PDE4D: variants seen among roughly 807,000 people sequenced by gnomAD.
PDE4D encodes the protein 3',5'-cyclic-AMP phosphodiesterase 4D.
Under a neutral mutation model 87.4 loss-of-function variants are expected in PDE4D, and 24 were observed. That is an observed-to-expected ratio of 0.27 (90% confidence interval 0.20 to 0.39). The LOEUF is 0.39. PDE4D is among the 10% of genes least tolerant of loss of function. The pLI, the probability that PDE4D is intolerant of heterozygous loss-of-function variation, is 1.00. For synonymous variants in PDE4D, 384 were observed against 383.2 expected, an observed-to-expected ratio of 1.00 and a Z score of -0.02; for missense variants, 714 against 1,041.0, an observed-to-expected ratio of 0.69 and a Z score of 4.32.
intron 2 of PDE4D, among the ~76,000 whole-genome samples, chr5:60,023,688 A>G (rs148193409): frequency 5.9e-5 from 9 of 152,276 alleles, no homozygotes; most frequent in African/African-American, 2.2e-4. Context: ...CACTAGTTGC[A>G]TTATAAGGCT....
At chr5:59,663,769 C>T (rs1745633090) in intron 1 of PDE4D, among the ~76,000 whole-genome samples, 1 of 152,062 alleles carries the variant, frequency 6.6e-6, no homozygotes, top group Non-Finnish European at 1.5e-5. Context: ...GGGATATATT[C>T]CTGAGTAACT....
intron 1 of PDE4D, among the ~76,000 whole-genome samples, chr5:60,348,790 C>T (rs1758947562): frequency 6.6e-6 from 1 of 151,958 alleles, no homozygotes; most frequent in Non-Finnish European, 1.5e-5. Flanking sequence ...AAAATGCATA[C>T]TTTAACTTCA....
intron 1 of PDE4D, among the ~76,000 whole-genome samples, chr5:60,281,965 A>T (rs953124528): frequency 1.3e-5 from 2 of 151,898 alleles, no homozygotes; most frequent in African/African-American, 2.4e-5. Context: ...TGAGTCTGGG[A>T]GGTTGAGTCT....
chr5:60,363,227 T>C (rs965248519), intron 1 of PDE4D, among the ~76,000 whole-genome samples: 88 of 152,348 alleles, frequency 5.8e-4, no homozygotes, highest in African/African-American at 2.1e-3. Flanking sequence ...ACCATTAGAT[T>C]ATCATACAGT....
chr5:59,882,364 A>C lies in PDE4D; in HGVS notation c.455+10804T>G, dbSNP rs1371742560. Among the ~76,000 whole-genome samples the C allele has an allele frequency of 2.0e-5, 3 of 152,304 alleles. No individual in the cohort carries two copies. The South Asian group carries it at 6.2e-4, about 32-fold the overall frequency. ...GGTGGGAATGATTGAGTGGTAGTAA[A>C]ATAAAAATGTGTGTATAGAAGAGTC... On this transcript the variant is annotated intron_variant, in intron 1 of 14. Coordinates refer to ENST00000340635, the MANE Select transcript of PDE4D (RefSeq NM_001104631.2).
At chr5:59,978,099 G>A (rs954087266) in intron 3 of PDE4D, among the ~76,000 whole-genome samples, 1 of 152,154 alleles carries the variant, frequency 6.6e-6, no homozygotes, top group African/African-American at 2.4e-5. Context: ...GGAGGTTAAT[G>A]TTATCATGCC....
At chr5:59,470,359 G>A (rs1802260620) in intron 1 of PDE4D, among the ~76,000 whole-genome samples, 1 of 151,986 alleles carries the variant, frequency 6.6e-6, no homozygotes. Flanking sequence ...CAATGCTGTT[G>A]TCCATTCCTA....
intron 5 of PDE4D, among the ~76,000 whole-genome samples, chr5:59,163,095 C>T (rs1225923655): frequency 3.4e-5 from 5 of 146,992 alleles, no homozygotes; most frequent in Admixed American, 6.9e-5. Flanking sequence ...ACCATGCCTC[C>T]ATGCCTGGCT....
chr5:60,468,137 C>CTTTTTTTTTTTTTTTTTG (rs570783072), intron 1 of PDE4D, among the ~76,000 whole-genome samples: 1 of 141,218 alleles, frequency 7.1e-6, no homozygotes, highest in Non-Finnish European at 1.5e-5. Context: ...TTTCTTTTTT[C>CTTTTTTTTTTTTTTTTTG]TTTTTTTTTT....
chr5:59,319,849 TGAG>T (rs1581936929), intron 1 of PDE4D, among the ~76,000 whole-genome samples: 1 of 151,562 alleles, frequency 6.6e-6, no homozygotes. Flanking sequence ...AATTTCCATA[TGAG>T]GAGAAGTGTT....
chr5:60,146,168 C>A (rs989094484), intron 2 of PDE4D, among the ~76,000 whole-genome samples: 1 of 152,140 alleles, frequency 6.6e-6, no homozygotes, highest in African/African-American at 2.4e-5. Flanking sequence ...GAGCCAAGCT[C>A]GCGCCACTGC....
At chr5:60,188,589 G>T (rs1784968859) in intron 1 of PDE4D, among the ~76,000 whole-genome samples, 2 of 152,140 alleles carry the variant, frequency 1.3e-5, no homozygotes, top group African/African-American at 4.8e-5. Flanking sequence ...GTAGGGCAGG[G>T]AGGAGAGTGG....
intron 2 of PDE4D, among the ~76,000 whole-genome samples, chr5:60,097,789 T>C (rs1775824070): frequency 6.6e-6 from 1 of 151,860 alleles, no homozygotes; most frequent in Admixed American, 6.6e-5. Context: ...TGATGGACAT[T>C]AGAAAATCCA....
At chr5:60,205,132 C>G (rs1742348837) in intron 1 of PDE4D, among the ~76,000 whole-genome samples, 1 of 152,132 alleles carries the variant, frequency 6.6e-6, no homozygotes, top group South Asian at 2.1e-4. Context: ...ACTCTGATCC[C>G]CAGCTCAAAG....
chr5:59,216,678 T>C (rs1751331619), intron 1 of PDE4D: 1 of 154,712 alleles, frequency 6.5e-6, no homozygotes, highest in Non-Finnish European at 1.4e-5. Flanking sequence ...TCCTCAGCTA[T>C]TGGGTACTTC....
chr5:59,959,634 G>A (rs961360984), intron 3 of PDE4D, among the ~76,000 whole-genome samples: 3 of 152,116 alleles, frequency 2.0e-5, no homozygotes, highest in Non-Finnish European at 4.4e-5. Flanking sequence ...TCAATAAACA[G>A]TGCTGAGAAA....
intron 5 of PDE4D, among the ~76,000 whole-genome samples, chr5:59,114,654 G>A (rs921770818): frequency 2.6e-5 from 4 of 152,096 alleles, no homozygotes; most frequent in Non-Finnish European, 5.9e-5. Flanking sequence ...GGGAACCCCA[G>A]GTCAAAGGAA....
chr5:60,427,374 G>A (rs1047745755), intron 1 of PDE4D, among the ~76,000 whole-genome samples: 1 of 152,144 alleles, frequency 6.6e-6, no homozygotes, highest in Non-Finnish European at 1.5e-5. Flanking sequence ...GAGAAACAGT[G>A]GGGACTGAAA....
chr5:59,880,299 A>G (rs546722657), intron 1 of PDE4D, among the ~76,000 whole-genome samples: 3 of 152,124 alleles, frequency 2.0e-5, no homozygotes, highest in East Asian at 3.9e-4. Context: ...TTGTAGAGAC[A>G]GGGTTTTGGT....
Sources: gnomAD v4.1 joint callset for allele counts (sites outside exome capture counted in the v4.1 genomes callset) on GRCh38, gnomAD v4.1.1 for gene constraint, MANE v1.5 for transcripts, NCBI Gene and HGNC (gene_info 2026-07-23, HGNC 2026-07-21) for gene names.